The following XXYLT1 variants were observed in gnomAD, a reference collection of about 807,000 sequenced individuals.
XXYLT1 encodes the protein xyloside xylosyltransferase 1, also known as UDP-xylose:alpha-xyloside alpha-1,3-xylosyltransferase.
In XXYLT1, 20 loss-of-function variants were observed where a neutral mutation model predicts 28.9. That is an observed-to-expected ratio of 0.69 (90% confidence interval 0.49 to 1.00). The LOEUF is 1.00. XXYLT1 is among the 50% of genes least tolerant of loss of function. The pLI is 0.00. For missense variants in XXYLT1, 542 were observed against 560.1 expected, an observed-to-expected ratio of 0.97 and a Z score of 0.33; for synonymous variants, 257 against 253.8, an observed-to-expected ratio of 1.01 and a Z score of -0.12.
chr3:195,215,026 T>C (rs1273979317), intron 2 of XXYLT1: 1 of 150,356 alleles, frequency 6.7e-6, no homozygotes, highest in Non-Finnish European at 1.5e-5. Context: ...TCAACATTCT[T>C]AAAGAAAAGA....
rs1725446493 is a variant in XXYLT1 at position 195,255,524 on chromosome 3, T to A, written c.504+15031A>T. 6.6e-6 allele frequency among the ~76,000 whole-genome samples: 1 copy of A among 152,216 alleles called. No homozygotes were observed. The highest frequency in any genetic ancestry group is 2.1e-4 in the South Asian group (1 of 4,830). On this transcript the variant is annotated intron_variant, in intron 1 of 3. Coordinates refer to ENST00000310380, the MANE Select transcript of XXYLT1 (RefSeq NM_152531.5). The surrounding 1 kb of genome is among the most constrained non-coding windows in gnomAD (Gnocchi z 4.5). ...GGACGTGGAGCAAAGCCTTTCATTG[T>A]CCACAAAACACAGACGACTGCAGGG...
chr3:195,143,811 T>G lies in XXYLT1; in HGVS notation c.785+12638A>C, dbSNP rs1319272132. ...ATATATATATATATAGATAGATATA[T>G]ATAGATATAGATATATATAGATATA... On this transcript the variant is annotated intron_variant, in intron 3 of 3. Transcript: ENST00000310380. 3.5e-3 allele frequency among the ~76,000 whole-genome samples: 328 copies of G among 95,028 alleles called. 13 individuals carry two copies. The highest frequency in any genetic ancestry group is 0.012 in the African/African-American group (300 of 24,848). The allele number at this position is 95,028 out of a possible 152,430, so 62.3% of individuals were successfully genotyped here.
chr3:195,114,446 C>G (rs1717939956), intron 3 of XXYLT1, among the ~76,000 whole-genome samples: 1 of 152,216 alleles, frequency 6.6e-6, no homozygotes. Flanking sequence ...ATTTTGAGCA[C>G]CTGCTCTGTG....
chr3:195,233,593 A>G (rs1181015572), intron 1 of XXYLT1, among the ~76,000 whole-genome samples: 1 of 152,258 alleles, frequency 6.6e-6, no homozygotes, highest in Non-Finnish European at 1.5e-5. Flanking sequence ...ACAAATTAAC[A>G]CTGATTACAT....
At chr3:195,182,702 C>T (rs141110159) in intron 2 of XXYLT1, among the ~76,000 whole-genome samples, 19 of 126,976 alleles carry the variant, frequency 1.5e-4, no homozygotes, top group African/African-American at 3.3e-4. Context: ...AAGTCACTGA[C>T]GAAAGGAAGG....
At chr3:195,105,763 C>T (rs2108682944) in intron 3 of XXYLT1, among the ~76,000 whole-genome samples, 1 of 152,352 alleles carries the variant, frequency 6.6e-6, no homozygotes, top group East Asian at 1.9e-4. Context: ...TGGCAGAGCC[C>T]CCCAGGTCAT....
intron 3 of XXYLT1, among the ~76,000 whole-genome samples, chr3:195,137,762 C>G (rs1719276040): frequency 6.6e-6 from 1 of 152,192 alleles, no homozygotes; most frequent in Non-Finnish European, 1.5e-5. Context: ...AGTATTATGT[C>G]ATGTGTACAT....
At chr3:195,158,518 C>A (rs1277306240) in intron 2 of XXYLT1, among the ~76,000 whole-genome samples, 1 of 152,228 alleles carries the variant, frequency 6.6e-6, no homozygotes, top group Non-Finnish European at 1.5e-5. Flanking sequence ...ACACCAGAAT[C>A]TGAGCTGCTT....
chr3:195,111,171 C>G (rs562077722), intron 3 of XXYLT1, among the ~76,000 whole-genome samples: 3 of 152,072 alleles, frequency 2.0e-5, no homozygotes, highest in African/African-American at 7.2e-5. Context: ...CCTTAGCACG[C>G]AGAAGCAAAG....
chr3:195,118,742 G>A lies in XXYLT1; in HGVS notation c.785+37707C>T, dbSNP rs77981953. ...AAACCTACCAACCCAGAATTAGAGA[G>A]ACCTGGGCCTGGAGTTGACAGCGCC... On this transcript the variant is annotated intron_variant, in intron 3 of 3. Transcript: ENST00000310380. Among the ~76,000 whole-genome samples the A allele has an allele frequency of 3.3e-5, 5 of 152,290 alleles. No individual in the cohort carries two copies. In the East Asian group the frequency reaches 9.6e-4, roughly 29 times the overall value.
chr3:195,104,014 T>C (rs1391224956), intron 3 of XXYLT1, among the ~76,000 whole-genome samples: 1 of 152,250 alleles, frequency 6.6e-6, no homozygotes, highest in Non-Finnish European at 1.5e-5. Context: ...CATTTTCCTA[T>C]AACAACTATT....
At chr3:195,154,094 G>A (rs1227914110) in intron 3 of XXYLT1, 1 of 152,254 alleles carries the variant, frequency 6.6e-6, no homozygotes, top group Non-Finnish European at 1.5e-5. Flanking sequence ...TAGGTAGCTA[G>A]TCAGACATGA....
intron 3 of XXYLT1, among the ~76,000 whole-genome samples, chr3:195,136,403 G>C (rs994037880): frequency 6.6e-6 from 1 of 152,100 alleles, no homozygotes; most frequent in Non-Finnish European, 1.5e-5. Flanking sequence ...CATCTCAAGA[G>C]CTGCTATTTC....
At position 195,258,303 on chromosome 3, in the gene XXYLT1, C is replaced by T. The variant is rs902911425; in HGVS notation, c.504+12252G>A. Among the ~76,000 whole-genome samples, 85 of 152,308 alleles carry T rather than the reference C, an allele frequency of 5.6e-4. 1 individual carries two copies. The highest frequency in any genetic ancestry group is 6.8e-3 in the Middle Eastern group (2 of 294). On this transcript the variant is annotated intron_variant, in intron 1 of 3. Transcript: ENST00000310380. ...TGGGAGTATGTGGGGCTATGTGGAT[C>T]CATGAGCGTCTCCCCAGAGGCCCGG...
intron 1 of XXYLT1, among the ~76,000 whole-genome samples, chr3:195,229,140 A>G (rs1724194470): frequency 6.6e-6 from 1 of 151,938 alleles, no homozygotes; most frequent in Admixed American, 6.6e-5. Flanking sequence ...TATTTCTCTT[A>G]TATTTCTTTT....
intron 2 of XXYLT1, chr3:195,184,578 G>A: frequency 1.0e-6 from 1 of 972,950 alleles, no homozygotes; most frequent in Non-Finnish European, 1.2e-6. Context: ...TCCTCAAAAT[G>A]GTTTGGAAGA....
At chr3:195,233,283 T>C (rs1724381000) in intron 1 of XXYLT1, among the ~76,000 whole-genome samples, 1 of 152,178 alleles carries the variant, frequency 6.6e-6, no homozygotes, top group Non-Finnish European at 1.5e-5. Context: ...GTGTTTCCTG[T>C]AGGCAATAGA....
rs867930263 is a variant in XXYLT1, at chr3:195,143,869, T to G, written c.785+12580A>C. Among the ~76,000 whole-genome samples the G allele has an allele frequency of 4.6e-3, 416 of 89,978 alleles. 43 individuals carry two copies. Among genetic ancestry groups the G allele is most frequent in the African/African-American group, 0.019 (397 of 21,386 alleles). 59.0% of individuals were successfully genotyped at this position (89,978 alleles called of 152,430 possible). A position where few individuals can be genotyped will look rare whatever the true frequency, so the allele number is the denominator to read the frequency against. On this transcript the variant is annotated intron_variant, in intron 3 of 3. Transcript: ENST00000310380. ...ATATATATATAGATATATATAGATATAGATATATATATATATATATTTATT... is the reference window on the plus strand; with the variant it reads ...ATATATATATAGATATATATAGATAGAGATATATATATATATATATTTATT...
chr3:195,189,371 G>C (rs1386842019), intron 2 of XXYLT1, among the ~76,000 whole-genome samples: 2 of 151,998 alleles, frequency 1.3e-5, no homozygotes, highest in African/African-American at 4.8e-5. Flanking sequence ...AACCATTACA[G>C]GGAAAATACC....
Sources: allele counts gnomAD v4.1 joint callset (sites outside exome capture counted in the v4.1 genomes callset), GRCh38; gene constraint gnomAD v4.1.1; non-coding constraint Gnocchi (gnomAD v3.1); transcripts MANE v1.5; gene names NCBI Gene and HGNC (gene_info 2026-07-23, HGNC 2026-07-21).